ITGB3BP: variants seen among roughly 807,000 people sequenced by gnomAD.
ITGB3BP encodes the protein centromere protein R.
In ITGB3BP, 27 loss-of-function variants were observed where a neutral mutation model predicts 29.1. The ratio of observed to expected loss-of-function variants is 0.93; its 90% CI spans 0.68 to 1.28. The LOEUF is 1.28. ITGB3BP is among the 50% of genes most tolerant of loss of function. The pLI, the probability that ITGB3BP is intolerant of heterozygous loss-of-function variation, is 0.00. For synonymous variants in ITGB3BP, 61 were observed against 61.4 expected (o/e 0.99, Z 0.03); for missense variants, 192 against 200.2 (o/e 0.96, Z 0.25).
chr1:63,468,090 C>T (rs1645130703), intron 4 of ITGB3BP, among the ~76,000 whole-genome samples: 1 of 152,220 alleles, frequency 6.6e-6, no homozygotes, highest in Admixed American at 6.5e-5. Flanking sequence ...CTTTCTCTCT[C>T]ACTGCAAACC....
intron 4 of ITGB3BP, among the ~76,000 whole-genome samples, chr1:63,467,374 G>T (rs1308268994): frequency 6.6e-6 from 1 of 150,484 alleles, no homozygotes; most frequent in South Asian, 2.1e-4. Flanking sequence ...TTTTGAGACA[G>T]GGTCTCGCTC....
intron 4 of ITGB3BP, among the ~76,000 whole-genome samples, chr1:63,466,511 G>A (rs548610332): frequency 9.8e-5 from 15 of 152,336 alleles, no homozygotes; most frequent in South Asian, 8.3e-4. Flanking sequence ...AAAGCTGTAC[G>A]TTTCATCACG....
At chr1:63,524,381 G>A (rs1487306571), upstream of ITGB3BP, among the ~76,000 whole-genome samples, 1 of 152,190 alleles carries the variant, frequency 6.6e-6, no homozygotes, top group African/African-American at 2.4e-5. Flanking sequence ...TAAATCTGGT[G>A]TAATATGAAA....
chr1:63,468,935 C>T (rs1402038279), intron 4 of ITGB3BP, among the ~76,000 whole-genome samples: 1 of 151,660 alleles, frequency 6.6e-6, no homozygotes, highest in Non-Finnish European at 1.5e-5. Context: ...CTTGTAGTCC[C>T]AGCTACTCGG....
In ITGB3BP at chr1:63,446,851, G is replaced by T. The variant is rs759291872; in HGVS notation, c.490C>A (p.Arg164Ser). Residue 164 changes from arginine (R) to serine (S), a missense_variant, in exon 8 of 9, where the codon CGT becomes AGT. By Grantham distance (110) the Arg-to-Ser change is moderately radical. Coordinates refer to ENST00000271002, the MANE Select transcript of ITGB3BP (RefSeq NM_014288.5). ...AGGAATTCATAGCTGTCAAGATGAC[G>T]TGATGCTATATGAAAGAAGAAAGGT... Reference protein sequence around the residue: ...KSTGLPHKASRHLDSYEFLKA... With the variant: ...KSTGLPHKASSHLDSYEFLKA... 4 of 1,608,112 alleles carry T rather than the reference G, an allele frequency of 2.5e-6. No homozygotes were observed. In the South Asian group the frequency reaches 3.3e-5, roughly 13 times the overall value.
At chr1:63,493,393 C>T (rs924649140) in intron 2 of ITGB3BP, among the ~76,000 whole-genome samples, 12 of 151,614 alleles carry the variant, frequency 7.9e-5, no homozygotes, top group Non-Finnish European at 1.0e-4. Flanking sequence ...CTAGCCTGGG[C>T]GACACAGGGA....
At chr1:63,447,994 A>C (rs1043804830) in intron 7 of ITGB3BP, among the ~76,000 whole-genome samples, 4 of 151,932 alleles carry the variant, frequency 2.6e-5, no homozygotes, top group Non-Finnish European at 5.9e-5. Context: ...GAATACTATG[A>C]AGCCATAAAA....
chr1:63,516,155 G>A (rs188263712), intron 1 of ITGB3BP, among the ~76,000 whole-genome samples: 151 of 151,650 alleles, frequency 1.0e-3, no homozygotes, highest in Admixed American at 1.5e-3. Flanking sequence ...AGGCATGGTG[G>A]CTCACATCTG....
At chr1:63,496,654 A>G (rs907632001) in intron 2 of ITGB3BP, among the ~76,000 whole-genome samples, 1 of 152,222 alleles carries the variant, frequency 6.6e-6, no homozygotes, top group African/African-American at 2.4e-5. Context: ...CACCACAAAA[A>G]ACAGCTACTT....
chr1:63,503,989 G>C (rs1176856978), intron 2 of ITGB3BP, among the ~76,000 whole-genome samples: 1 of 151,756 alleles, frequency 6.6e-6, no homozygotes, highest in African/African-American at 2.4e-5. Context: ...TTGACTTGGC[G>C]ATGCAGGCTC....
intron 8 of ITGB3BP, among the ~76,000 whole-genome samples, chr1:63,444,486 GGATATATA>G (rs1557603850): frequency 1.1e-4 from 16 of 143,794 alleles, no homozygotes; most frequent in African/African-American, 4.1e-4. Flanking sequence ...ATTACATATA[GGATATATA>G]TATTACATAT....
chr1:63,528,218 A>G (rs1486248726), upstream of ITGB3BP, among the ~76,000 whole-genome samples: 3 of 152,232 alleles, frequency 2.0e-5, no homozygotes, highest in Non-Finnish European at 4.4e-5. Flanking sequence ...AAAAAGTGGT[A>G]CATATACACA....
intron 2 of ITGB3BP, among the ~76,000 whole-genome samples, chr1:63,508,065 G>A (rs7416525): frequency 0.98 from 148,846 of 152,326 alleles, 72,827 homozygotes; most frequent in Middle Eastern, 1. Context: ...AATTTATTAC[G>A]GTGTTAGTAT....
chr1:63,446,029 G>T (rs1644787023), intron 8 of ITGB3BP, among the ~76,000 whole-genome samples: 1 of 152,088 alleles, frequency 6.6e-6, no homozygotes, highest in Non-Finnish European at 1.5e-5. Context: ...TCAGCCTCCT[G>T]AGTAGCTGGG....
rs67113573 is a variant in ITGB3BP, at chr1:63,455,018, TG to T, written c.255-51del. ...CTTAGCAAGGGGAAGCATTTAAACA[TG>T]GCAAATCATTTTCAGAGCTTTAACT... On this transcript the variant is annotated intron_variant, in intron 4 of 8. Coordinates refer to ENST00000271002, the MANE Select transcript of ITGB3BP (RefSeq NM_014288.5). 3.8e-3 allele frequency: 3,434 copies of T among 899,418 alleles called. 56 individuals are homozygous for T. The highest frequency in any genetic ancestry group is 0.013 in the East Asian group (535 of 41,328). The allele number at this position is 899,418 out of a possible 1,614,324, so 55.7% of individuals were successfully genotyped here. A position where few individuals can be genotyped will look rare whatever the true frequency, so the allele number is the denominator to read the frequency against.
chr1:63,517,699 T>C (rs189913404), intron 1 of ITGB3BP, among the ~76,000 whole-genome samples: 3 of 152,256 alleles, frequency 2.0e-5, no homozygotes, highest in African/African-American at 7.2e-5. Flanking sequence ...CATTGTTGAA[T>C]CATTAATTTT....
At chr1:63,496,601 C>T (rs1645793887) in intron 2 of ITGB3BP, among the ~76,000 whole-genome samples, 1 of 152,026 alleles carries the variant, frequency 6.6e-6, no homozygotes, top group African/African-American at 2.4e-5. Flanking sequence ...ACAGCTGCTC[C>T]AGGTCTGCAA....
chr1:63,468,291 T>C lies in ITGB3BP; in HGVS notation c.254+10473A>G, dbSNP rs926326144. Among the ~76,000 whole-genome samples, 12 of 152,310 alleles carry C rather than the reference T, an allele frequency of 7.9e-5. No individual in the cohort carries two copies. The East Asian group carries it at 2.3e-3, about 29-fold the overall frequency. ...TGTCCAGGGTAGGGTCATGTAAGAC[T>C]TTGGTAGTCTTTAAATAAAGAGCCA... On this transcript the variant is annotated intron_variant, in intron 4 of 8. Transcript: ENST00000271002.
intron 4 of ITGB3BP, among the ~76,000 whole-genome samples, chr1:63,469,349 A>G (rs927326988): frequency 3.3e-5 from 5 of 151,118 alleles, no homozygotes; most frequent in African/African-American, 1.2e-4. Context: ...TTTTTGAGAC[A>G]GAGTCTTGCT....
Sources: gnomAD v4.1 joint callset for allele counts (sites outside exome capture counted in the v4.1 genomes callset) on GRCh38, gnomAD v4.1.1 for gene constraint, MANE v1.5 for transcripts, NCBI Gene and HGNC (gene_info 2026-07-23, HGNC 2026-07-21) for gene names.